Variants in CYB5RL observed in about 807,000 individuals in gnomAD.
CYB5RL encodes the protein NADH-cytochrome b5 reductase-like.
In CYB5RL, 38 loss-of-function variants were observed where a neutral mutation model predicts 37.5. The ratio of observed to expected loss-of-function variants is 1.01; its 90% CI spans 0.78 to 1.33. The LOEUF (loss-of-function observed/expected upper bound fraction) is 1.33. Among genes scored for constraint, CYB5RL ranks in the 40% most tolerant of loss-of-function variants. The pLI is 0.00. For synonymous variants in CYB5RL, 141 were observed against 151.9 expected (o/e 0.93, Z 0.53); for missense variants, 388 against 394.4 (o/e 0.98, Z 0.14).
chr1:54,179,744 T>C (rs909233908), intron 6 of CYB5RL, among the ~76,000 whole-genome samples: 5 of 152,266 alleles, frequency 3.3e-5, no homozygotes, highest in East Asian at 1.9e-4. Flanking sequence ...ACAACTTACA[T>C]TGAGCTGAAA....
chr1:54,180,955 G>T (rs140446994), intron 6 of CYB5RL, among the ~76,000 whole-genome samples: 1 of 152,126 alleles, frequency 6.6e-6, no homozygotes, highest in Non-Finnish European at 1.5e-5. Flanking sequence ...GGTTGGGGCT[G>T]TAGTGAACCA....
At chr1:54,183,506 G>C (rs1660215233) in intron 6 of CYB5RL, among the ~76,000 whole-genome samples, 1 of 152,214 alleles carries the variant, frequency 6.6e-6, no homozygotes, top group African/African-American at 2.4e-5. Flanking sequence ...AGCCATCTGA[G>C]CTAGGAAGCA....
intron 4 of CYB5RL, among the ~76,000 whole-genome samples, chr1:54,188,790 C>T (rs1272535778): frequency 6.6e-6 from 1 of 152,150 alleles, no homozygotes; most frequent in African/African-American, 2.4e-5. Flanking sequence ...CTCTCAAGTC[C>T]TACTACGTAC....
chr1:54,192,912 G>A lies in CYB5RL; in HGVS notation c.199-2016C>T, dbSNP rs138889377. ...TGGGACTACAGGTGCGTGCCACCAC[G>A]TCTGGCTAATTTTTATATTTGTAGT... On this transcript the variant is annotated intron_variant, in intron 3 of 7. Coordinates refer to ENST00000534324, the MANE Select transcript of CYB5RL (RefSeq NM_001031672.4). 8.3e-3 allele frequency among the ~76,000 whole-genome samples: 1,258 copies of A among 152,086 alleles called. 49 individuals are homozygous for A. The highest frequency in any genetic ancestry group is 0.064 in the Admixed American group (982 of 15,270).
chr1:54,171,082 CCT>C lies in CYB5RL; in HGVS notation c.*3535_*3536del, dbSNP rs752647745. The stretch of plus-strand genomic sequence containing the variant: ...GTACAGCGACAGAAAAGCACACAAG[CCT>C]CTCTGCTCACTGACCAAGCTGGAGT... On this transcript the variant is annotated 3_prime_UTR_variant, in exon 8 of 8. Coordinates refer to ENST00000534324, the MANE Select transcript of CYB5RL (RefSeq NM_001031672.4). 3 of 453,944 alleles carry C rather than the reference CCT, an allele frequency of 6.6e-6. No individual in the cohort carries two copies. The highest frequency in any genetic ancestry group is 4.7e-5 in the South Asian group (3 of 64,346). The allele number at this position is 453,944 out of a possible 1,614,324, so 28.1% of individuals were successfully genotyped here.
intron 3 of CYB5RL, 28 bp downstream of exon 3, chr1:54,195,391 G>A: frequency 6.5e-7 from 1 of 1,543,612 alleles, no homozygotes; most frequent in Non-Finnish European, 8.8e-7. Context: ...TTGCCCTGGT[G>A]CTCATATCGA....
intron 6 of CYB5RL, among the ~76,000 whole-genome samples, chr1:54,182,500 TGATTTTTGGGTA>T (rs1660192490): frequency 6.6e-6 from 1 of 151,994 alleles, no homozygotes; most frequent in Non-Finnish European, 1.5e-5. Context: ...TTCCATCTGC[TGATTTTTGGGTA>T]ATGAACATGT....
In CYB5RL at chr1:54,174,832, C is replaced by T; in HGVS notation, c.745-10G>A. ...GCTCTGAGGAGCTCTCCTGGGAAGA[C>T]AAGAAAGGCATGGGTGACTACAAGG... On this transcript the variant is annotated splice_polypyrimidine_tract_variant and intron_variant, in intron 7 of 7. Transcript: ENST00000534324. 6.2e-7 allele frequency: 1 copy of T among 1,610,628 alleles called. No homozygotes were observed. Among genetic ancestry groups the T allele is most frequent in the East Asian group, 2.2e-5 (1 of 44,872 alleles).
intron 7 of CYB5RL, among the ~76,000 whole-genome samples, chr1:54,176,333 G>A (rs1660019450): frequency 1.3e-5 from 2 of 152,198 alleles, no homozygotes; most frequent in South Asian, 4.1e-4. Flanking sequence ...AGGAGTTCAA[G>A]ACCAGCCTGG....
chr1:54,185,608 CG>C (rs1451989574), intron 5 of CYB5RL: 3 of 152,182 alleles, frequency 2.0e-5, no homozygotes, highest in African/African-American at 7.2e-5. Context: ...CACAAGGCAA[CG>C]GAAGTCCCTG....
In CYB5RL at chr1:54,174,291, C is replaced by T. The variant is rs1659964934; in HGVS notation, c.*328G>A. On this transcript the variant is annotated 3_prime_UTR_variant, in exon 8 of 8. Coordinates refer to ENST00000534324, the MANE Select transcript of CYB5RL (RefSeq NM_001031672.4). Reference sequence around the variant, plus strand: ...GCCAGGGAAGCTCCTCCCGACTCTTCCCCTGCCCAACTCCTACTCCTCCTG... The same window carrying T: ...GCCAGGGAAGCTCCTCCCGACTCTTTCCCTGCCCAACTCCTACTCCTCCTG... The T allele has an allele frequency of 2.8e-6, 1 of 362,168 alleles. No homozygotes were observed. The highest frequency in any genetic ancestry group is 2.1e-5 in the African/African-American group (1 of 48,122). 22.4% of individuals were successfully genotyped at this position (362,168 alleles called of 1,614,324 possible).
intron 7 of CYB5RL, among the ~76,000 whole-genome samples, chr1:54,176,172 G>C (rs1660016120): frequency 6.6e-6 from 1 of 152,208 alleles, no homozygotes; most frequent in South Asian, 2.1e-4. Context: ...TGTCCAGAGA[G>C]CCGTGGTGCT....
chr1:54,196,198 G>T (rs1368145326), intron 2 of CYB5RL, among the ~76,000 whole-genome samples, 171 bp downstream of exon 2: 1 of 152,062 alleles, frequency 6.6e-6, no homozygotes, highest in Non-Finnish European at 1.5e-5. Flanking sequence ...GTTTTGTTTT[G>T]TTTTGCTGAG....
In CYB5RL at chr1:54,187,658, T is replaced by C; in HGVS notation, c.429A>G (p.Leu143=). 8 of 1,613,910 alleles carry C rather than the reference T, an allele frequency of 5.0e-6. No individual in the cohort carries two copies. The highest frequency in any genetic ancestry group is 2.2e-5 in the East Asian group (1 of 44,884). Residue 143 remains leucine (L), a synonymous_variant, in exon 5 of 8, where the codon TTA becomes TTG. Transcript: ENST00000534324. ...PANAEGYFEV[L]IKCYQMGLMS... ...TCCTCAAGGGTCAACTCACCTTAAT[T>C]AACACTTCAAAGTATCCTTCTGCGT...
intron 5 of CYB5RL, among the ~76,000 whole-genome samples, chr1:54,186,850 G>A (rs1643905213): frequency 1.3e-5 from 2 of 152,006 alleles, no homozygotes; most frequent in South Asian, 4.2e-4. Flanking sequence ...TACTAGCTGT[G>A]GGGCCTTGGG....
At chr1:54,197,312 C>CTTTTTTTTT (rs199620217) in intron 1 of CYB5RL, among the ~76,000 whole-genome samples, 14 of 130,370 alleles carry the variant, frequency 1.1e-4, no homozygotes, top group Non-Finnish European at 1.8e-4. Flanking sequence ...TTTTTCTTTT[C>CTTTTTTTTT]TTTTCTTTTT....
chr1:54,186,976 A>C (rs1192200569), intron 5 of CYB5RL, among the ~76,000 whole-genome samples: 1 of 152,150 alleles, frequency 6.6e-6, no homozygotes. Flanking sequence ...TCCATTTGGG[A>C]AATGATGATC....
In CYB5RL at chr1:54,171,001, CCT is replaced by C. The variant is rs370411508; in HGVS notation, c.*3616_*3617del. ...ATCCAGGAAGTGCTGAGCATCCTCC[CCT>C]GTTAGGGGTACAATGGGCCGGCCCT... On this transcript the variant is annotated 3_prime_UTR_variant, in exon 8 of 8. Coordinates refer to ENST00000534324, the MANE Select transcript of CYB5RL (RefSeq NM_001031672.4). 317 of 387,498 alleles carry C rather than the reference CCT, an allele frequency of 8.2e-4. 1 individual carries two copies. The highest frequency in any genetic ancestry group is 5.7e-3 in the African/African-American group (278 of 48,498). 24.0% of individuals were successfully genotyped at this position (387,498 alleles called of 1,614,324 possible).
At chr1:54,176,853 C>A (rs533477770) in intron 7 of CYB5RL, among the ~76,000 whole-genome samples, 2 of 152,078 alleles carry the variant, frequency 1.3e-5, no homozygotes, top group African/African-American at 2.4e-5. Flanking sequence ...GGCAGCAGAA[C>A]CATCAAGGCC....
Sources: allele counts gnomAD v4.1 joint callset (sites outside exome capture counted in the v4.1 genomes callset), GRCh38; gene constraint gnomAD v4.1.1; transcripts MANE v1.5; gene names NCBI Gene and HGNC (gene_info 2026-07-23, HGNC 2026-07-21).